The following ABCC12 variants were observed in gnomAD, a reference collection of about 807,000 sequenced individuals.
ABCC12 encodes the protein ATP-binding cassette sub-family C member 12.
A neutral mutation model predicts 151.1 loss-of-function variants in ABCC12; 142 were observed. The observed-to-expected ratio is 0.94, with a 90% CI of 0.82 to 1.08. The LOEUF (loss-of-function observed/expected upper bound fraction) is 1.08. Ranked by LOEUF, ABCC12 falls within the 50% of genes least tolerant of loss-of-function variation. ABCC12 has a pLI of 0.00. For missense variants in ABCC12, 1,638 were observed against 1,691.1 expected (o/e 0.97, Z 0.55); for synonymous variants, 645 against 646.4 (o/e 1.00, Z 0.03).
intron 18 of ABCC12, among the ~76,000 whole-genome samples, chr16:48,109,446 T>C (rs1963610503): frequency 6.6e-6 from 1 of 152,222 alleles, no homozygotes. Flanking sequence ...CTTCCGCTCC[T>C]CCACAGAGAA....
At position 48,141,124 on chromosome 16, in the gene ABCC12, C is replaced by T. The variant is rs530105418; in HGVS notation, c.423+82G>A. On this transcript the variant is annotated intron_variant, in intron 5 of 30. Transcript: ENST00000311303. The stretch of plus-strand genomic sequence containing the variant: ...GATAATGACAATGCACTAAACCCAC[C>T]AGCTCGTAGAGAAAGTAACTAATGA... 1.5e-5 allele frequency: 23 copies of T among 1,557,984 alleles called. No homozygotes were observed. In the South Asian group the frequency reaches 2.8e-4, roughly 19 times the overall value.
rs112383030 is a variant in ABCC12, at chr16:48,092,924, C to T, written c.3196-1715G>A. Among the ~76,000 whole-genome samples, 322 of 152,254 alleles carry T rather than the reference C, an allele frequency of 2.1e-3. 5 individuals carry two copies. The highest frequency in any genetic ancestry group is 7.2e-3 in the African/African-American group (299 of 41,548). Reference sequence around the variant, plus strand: ...CAAAGAGGCAGGGGGTGCGAGCAGGCGCGTGACGTGGAGAACGCTATGGGT... The same window carrying T: ...CAAAGAGGCAGGGGGTGCGAGCAGGTGCGTGACGTGGAGAACGCTATGGGT... On this transcript the variant is annotated intron_variant, in intron 24 of 30. Transcript: ENST00000311303.
intron 11 of ABCC12, 127 bp downstream of exon 11, chr16:48,128,332 G>T: frequency 7.3e-7 from 1 of 1,374,110 alleles, no homozygotes; most frequent in Non-Finnish European, 9.9e-7. Flanking sequence ...AAAATACAGG[G>T]ACTCTGGTTA....
intron 18 of ABCC12, among the ~76,000 whole-genome samples, chr16:48,108,857 G>T (rs1403997835): frequency 2.0e-5 from 3 of 152,194 alleles, no homozygotes; most frequent in Non-Finnish European, 2.9e-5. Flanking sequence ...AATACATGAG[G>T]TTTATTTGGG....
rs1345238150 is a variant in ABCC12 at position 48,083,646 on chromosome 16, T to C, written c.*69A>G. The C allele has an allele frequency of 1.3e-5, 19 of 1,519,766 alleles. No individual in the cohort carries two copies. The highest frequency in any genetic ancestry group is 1.5e-5 in the Non-Finnish European group (17 of 1,104,076). 94.1% of individuals were successfully genotyped at this position (1,519,766 alleles called of 1,614,324 possible). A position where few individuals can be genotyped will look rare whatever the true frequency, so the allele number is the denominator to read the frequency against. ...GGCTGCCTGCGGAGAGGACAGCCCC[T>C]CCTCCTGAAGACTCCTCCTATTCAT... is the stretch of plus-strand genomic sequence containing the variant. On this transcript the variant is annotated 3_prime_UTR_variant, in exon 31 of 31. Transcript: ENST00000311303.
intron 13 of ABCC12, among the ~76,000 whole-genome samples, chr16:48,120,260 T>G (rs1432640005): frequency 3.9e-5 from 6 of 152,196 alleles, no homozygotes; most frequent in Non-Finnish European, 7.3e-5. Context: ...ACATGGGAGC[T>G]AAACCTTGGG....
chr16:48,132,647 T>C (rs983520657), intron 9 of ABCC12, among the ~76,000 whole-genome samples: 2 of 152,226 alleles, frequency 1.3e-5, no homozygotes, highest in Admixed American at 6.5e-5. Flanking sequence ...TCGTTATCTT[T>C]GGATGTCCAG....
intron 13 of ABCC12, chr16:48,121,152 T>TGTA (rs1964053685): frequency 6.6e-6 from 1 of 152,032 alleles, no homozygotes; most frequent in African/African-American, 2.4e-5. Context: ...AACACAAAAG[T>TGTA]GTACCCCATA....
rs774971779 is a variant in ABCC12, at chr16:48,087,896, T to C, written c.3635+30A>G. The C allele has an allele frequency of 4.4e-6, 7 of 1,597,694 alleles. No individual in the cohort carries two copies. In the African/African-American group the frequency reaches 8.1e-5, roughly 18 times the overall value. On this transcript the variant is annotated intron_variant, in intron 27 of 30. Coordinates refer to ENST00000311303, the MANE Select transcript of ABCC12 (RefSeq NM_001393797.1). The stretch of plus-strand genomic sequence containing the variant: ...TCAGTCTGATTTCACTCTCCAAAAA[T>C]AGAAATGCACAATGATTAAAAACAG...
At chr16:48,147,836 C>T (rs1424360970) in intron 2 of ABCC12, among the ~76,000 whole-genome samples, 2 of 152,168 alleles carry the variant, frequency 1.3e-5, no homozygotes. Flanking sequence ...AAGATAAATC[C>T]CCCAACGTGG....
At chr16:48,148,839 G>A (rs1359451933) in intron 2 of ABCC12, among the ~76,000 whole-genome samples, 1 of 151,502 alleles carries the variant, frequency 6.6e-6, no homozygotes, top group Non-Finnish European at 1.5e-5. Context: ...TCAAGGCTCA[G>A]TTCAAACATT....
intron 25 of ABCC12, 50 bp downstream of exon 25, chr16:48,091,070 G>T (rs1962864741): frequency 6.4e-7 from 1 of 1,570,786 alleles, no homozygotes; most frequent in Non-Finnish European, 8.8e-7. Flanking sequence ...ATTTGCCCAA[G>T]TCCTGCCAAA....
intron 13 of ABCC12, among the ~76,000 whole-genome samples, chr16:48,117,639 G>A (rs28531369): frequency 6.6e-5 from 10 of 152,254 alleles, no homozygotes; most frequent in East Asian, 3.9e-4. Context: ...CACTGAGGGC[G>A]CCACCTGCTG....
chr16:48,153,267 C>T (rs186291845), intron 2 of ABCC12, among the ~76,000 whole-genome samples: 1 of 152,290 alleles, frequency 6.6e-6, no homozygotes, highest in Admixed American at 6.5e-5. Flanking sequence ...CACTGCAAAT[C>T]TCAGTGAAGG....
chr16:48,108,034 A>C (rs1348299406), intron 19 of ABCC12, among the ~76,000 whole-genome samples: 1 of 152,098 alleles, frequency 6.6e-6, no homozygotes, highest in Admixed American at 6.5e-5. Flanking sequence ...GAAAGAAAGA[A>C]AGAAAAAGAA....
intron 9 of ABCC12, among the ~76,000 whole-genome samples, chr16:48,132,116 T>C (rs756644889): frequency 6.6e-6 from 1 of 152,216 alleles, no homozygotes; most frequent in African/African-American, 2.4e-5. Flanking sequence ...TGCTCTCAAT[T>C]TGATTTCAAG....
intron 2 of ABCC12, among the ~76,000 whole-genome samples, chr16:48,148,283 C>G (rs1383410395): frequency 6.6e-6 from 1 of 151,470 alleles, no homozygotes; most frequent in African/African-American, 2.4e-5. Flanking sequence ...TGTCGCCAGG[C>G]TGGAGTGCAG....
intron 6 of ABCC12, 53 bp downstream of exon 6, chr16:48,140,634 T>C: frequency 6.4e-7 from 1 of 1,557,196 alleles, no homozygotes; most frequent in Middle Eastern, 1.7e-4. Context: ...TCACATGCAC[T>C]CAAACCACTC....
chr16:48,107,770 G>A (rs1963546817), intron 19 of ABCC12, among the ~76,000 whole-genome samples: 1 of 152,240 alleles, frequency 6.6e-6, no homozygotes. Flanking sequence ...GGGAAGCTGA[G>A]GCAGGCGGAT....
Sources: allele counts gnomAD v4.1 joint callset (sites outside exome capture counted in the v4.1 genomes callset), GRCh38; gene constraint gnomAD v4.1.1; transcripts MANE v1.5; gene names NCBI Gene and HGNC (gene_info 2026-07-23, HGNC 2026-07-21).